The following TMEM260 variants were observed in gnomAD, a reference collection of about 807,000 sequenced individuals.
TMEM260 encodes the protein protein O-mannosyl-transferase TMEM260.
Under a neutral mutation model 88.9 loss-of-function variants are expected in TMEM260, and 82 were observed. The ratio of observed to expected loss-of-function variants is 0.92; its 90% confidence interval spans 0.77 to 1.11. The LOEUF (loss-of-function observed/expected upper bound fraction) is 1.11. TMEM260 is among the 50% of genes least tolerant of loss of function. The probability of loss-of-function intolerance (pLI) is 0.00; values close to 1 mark genes in which losing one functional copy is unlikely to be tolerated. For missense variants in TMEM260, 902 were observed against 853.4 expected (o/e 1.06, Z -0.71); for synonymous variants, 314 against 309.3 (o/e 1.02, Z -0.16).
intron 3 of TMEM260, among the ~76,000 whole-genome samples, chr14:56,590,529 G>A (rs1052934202): frequency 2.6e-5 from 4 of 152,120 alleles, no homozygotes; most frequent in Non-Finnish European, 5.9e-5. Flanking sequence ...TCTCCAATTG[G>A]GAGAAAATTT....
At chr14:56,661,160 G>A in the TMEM260 span, among the ~76,000 whole-genome samples, 8 of 152,154 alleles carry the variant, frequency 5.3e-5, no homozygotes, top group African/African-American at 7.2e-5. Context: ...TCCTGTCCAC[G>A]CTGGAGGATC....
intron 12 of TMEM260, among the ~76,000 whole-genome samples, chr14:56,628,896 C>CTTTTTTTTTTTTTT (rs34838221): frequency 6.9e-6 from 1 of 145,246 alleles, no homozygotes. Flanking sequence ...TTTTGTATTT[C>CTTTTTTTTTTTTTT]TTTTTTTTTT....
At chr14:56,592,100 T>G (rs1885901047) in intron 3 of TMEM260, among the ~76,000 whole-genome samples, 1 of 152,214 alleles carries the variant, frequency 6.6e-6, no homozygotes, top group Non-Finnish European at 1.5e-5. Context: ...AGTGAATATT[T>G]ATATAGCTGA....
chr14:56,615,915 C>A, intron 7 of TMEM260, 29 bp from the exon 8 acceptor site: 1 of 1,512,904 alleles, frequency 6.6e-7, no homozygotes, highest in Non-Finnish European at 9.2e-7. Context: ...TTGTTTCCTG[C>A]CAACAATAAG....
intron 5 of TMEM260, among the ~76,000 whole-genome samples, chr14:56,607,314 G>T (rs1481913094): frequency 1.3e-5 from 2 of 152,232 alleles, no homozygotes; most frequent in East Asian, 3.9e-4. Flanking sequence ...GAAAGGAGAG[G>T]CATATACTTT....
At chr14:56,659,261 G>GTTTTTTTT in the TMEM260 span, among the ~76,000 whole-genome samples, 4 of 140,370 alleles carry the variant, frequency 2.8e-5, no homozygotes, top group African/African-American at 2.6e-5. Flanking sequence ...TTTGGTTTTT[G>GTTTTTTTT]TTTTTTTTTT....
intron 3 of TMEM260, among the ~76,000 whole-genome samples, chr14:56,591,735 C>G (rs1263555819): frequency 1.3e-5 from 2 of 152,160 alleles, no homozygotes; most frequent in Admixed American, 6.5e-5. Context: ...TACCATTGTG[C>G]AAGTTACCTG....
chr14:56,601,139 A>T (rs1383499485), intron 3 of TMEM260, among the ~76,000 whole-genome samples: 1 of 152,218 alleles, frequency 6.6e-6, no homozygotes, highest in Non-Finnish European at 1.5e-5. Flanking sequence ...TTTACTTTAC[A>T]TTCTTCAATT....
intron 3 of TMEM260, among the ~76,000 whole-genome samples, chr14:56,595,570 C>T (rs915376907): frequency 1.3e-5 from 2 of 152,148 alleles, no homozygotes; most frequent in Middle Eastern, 3.2e-3. Context: ...GCCTCAACCT[C>T]CTGGGCTCAA....
chr14:56,617,099 A>G, intron 8 of TMEM260, 84 bp from the exon 9 acceptor site: 1 of 808,934 alleles, frequency 1.2e-6, no homozygotes, highest in East Asian at 3.1e-5. Flanking sequence ...GTTTTTATAG[A>G]TCTAATAGTT....
chr14:56,623,882 C>T (rs147194080), intron 11 of TMEM260, among the ~76,000 whole-genome samples: 1,600 of 152,120 alleles, frequency 0.011, 14 homozygotes, highest in Middle Eastern at 0.027. Context: ...TGATGATATC[C>T]GAACATAACA....
chr14:56,647,212 A>G (rs1566583794), intron 15 of TMEM260, 31 bp from the exon 16 acceptor site: 4 of 1,561,596 alleles, frequency 2.6e-6, no homozygotes, highest in Admixed American at 2.0e-5. Context: ...AAGAATAACA[A>G]TGGAATACCA....
At chr14:56,632,204 C>T (rs1465382962) in intron 12 of TMEM260, among the ~76,000 whole-genome samples, 2 of 152,220 alleles carry the variant, frequency 1.3e-5, no homozygotes, top group Admixed American at 6.5e-5. Flanking sequence ...CTGGGGCCTT[C>T]CTTTTTGGTT....
chr14:56,628,848 T>C (rs1330310203), intron 12 of TMEM260, among the ~76,000 whole-genome samples: 18 of 152,132 alleles, frequency 1.2e-4, no homozygotes, highest in Admixed American at 1.2e-3. Flanking sequence ...TATGTTTAGA[T>C]GTATGTCTAC....
chr14:56,658,720 C>G, the TMEM260 span, among the ~76,000 whole-genome samples: 15 of 151,984 alleles, frequency 9.9e-5, no homozygotes, highest in African/African-American at 3.6e-4. Context: ...GGATTCAATC[C>G]TAGGACAGAA....
At chr14:56,634,844 A>C (rs78282878) in intron 13 of TMEM260, 55 bp from the exon 14 acceptor site, 2 of 1,007,872 alleles carry the variant, frequency 2.0e-6, no homozygotes, top group Non-Finnish European at 1.4e-6. Flanking sequence ...TTCTGTCTCA[A>C]AAAAAAAAAA....
chr14:56,588,918 G>A (rs781554075), intron 3 of TMEM260, among the ~76,000 whole-genome samples: 2 of 151,976 alleles, frequency 1.3e-5, no homozygotes, highest in South Asian at 2.1e-4. Context: ...AGATTTAATA[G>A]CATAATATTT....
At chr14:56,592,828 G>A (rs1885948033) in intron 3 of TMEM260, among the ~76,000 whole-genome samples, 1 of 152,180 alleles carries the variant, frequency 6.6e-6, no homozygotes, top group Non-Finnish European at 1.5e-5. Flanking sequence ...GGAATTCTCA[G>A]TACACTCAGT....
downstream of TMEM260, among the ~76,000 whole-genome samples, chr14:56,652,280 G>T (rs1219157351): frequency 6.6e-6 from 1 of 152,112 alleles, no homozygotes; most frequent in Non-Finnish European, 1.5e-5. Context: ...TGGACCGCTT[G>T]AGTCCGAGAG....
Sources: gnomAD v4.1 joint callset for allele counts (sites outside exome capture counted in the v4.1 genomes callset) on GRCh38, gnomAD v4.1.1 for gene constraint, MANE v1.5 for transcripts, NCBI Gene and HGNC (gene_info 2026-07-23, HGNC 2026-07-21) for gene names.